CNP: variants seen among roughly 807,000 people sequenced by gnomAD.
CNP encodes the protein 2',3'-cyclic-nucleotide 3'-phosphodiesterase.
A neutral mutation model predicts 37.9 loss-of-function variants in CNP; 8 were observed. That is an observed-to-expected ratio of 0.21 (90% confidence interval 0.12 to 0.38). The LOEUF (loss-of-function observed/expected upper bound fraction) is 0.38, where lower values mean the gene tolerates loss of function less well. CNP is among the 10% of genes least tolerant of loss of function. The pLI is 1.00. For synonymous variants in CNP, 237 were observed against 238.3 expected, an observed-to-expected ratio of 0.99 and a Z score of 0.05; for missense variants, 457 against 551.0, an observed-to-expected ratio of 0.83 and a Z score of 1.71.
rs1476113120 is a variant in CNP, at chr17:41,975,465, T to A, written c.*1541T>A. ...TTAACCAGGGCACCAAGCCCACAGG[T>A]GTCCCCAGCCCACTGGATCAGAAAG... On this transcript the variant is annotated 3_prime_UTR_variant, in exon 4 of 4. Coordinates refer to ENST00000393892, the MANE Select transcript of CNP (RefSeq NM_033133.5). 1 of 152,568 alleles carries A rather than the reference T, an allele frequency of 6.6e-6. No homozygotes were observed. The highest frequency in any genetic ancestry group is 1.5e-5 in the Non-Finnish European group (1 of 68,058). The allele number at this position is 152,568 out of a possible 1,614,324, so 9.5% of individuals were successfully genotyped here.
rs549461322 is a variant in CNP at position 41,977,411 on chromosome 17, C to A, written c.*3487C>A. The A allele has an allele frequency of 7.3e-6, 9 of 1,236,634 alleles. No homozygotes were observed. The South Asian group carries it at 1.2e-4, about 17-fold the overall frequency. 76.6% of individuals were successfully genotyped at this position (1,236,634 alleles called of 1,614,324 possible). ...AGAACTGATGACACTGAGAACAGAT[C>A]TCCAAAGCTTTCCTGGAGAGTCTCA... On this transcript the variant is annotated 3_prime_UTR_variant, in exon 4 of 4. Transcript: ENST00000393892.
At position 41,969,160 on chromosome 17, in the gene CNP, AAAT is replaced by A. The variant is rs554137800; in HGVS notation, c.676+433_676+435del. Among the ~76,000 whole-genome samples, 11 of 152,310 alleles carry A rather than the reference AAAT, an allele frequency of 7.2e-5. No homozygotes were observed. The South Asian group carries it at 1.0e-3, about 14-fold the overall frequency. ...TTTAGCAGCAGAATCATGTTCCAAA[AAAT>A]AATAATAATAATCACATGAAATTGT... On this transcript the variant is annotated intron_variant, in intron 2 of 3. Coordinates refer to ENST00000393892, the MANE Select transcript of CNP (RefSeq NM_033133.5).
Position 41,976,979 on chromosome 17 carries a change from T to C in CNP, c.*3055T>C. The C allele has an allele frequency of 1.5e-6, 1 of 650,954 alleles. No homozygotes were observed. The highest frequency in any genetic ancestry group is 2.7e-5 in the East Asian group (1 of 36,490). The allele number at this position is 650,954 out of a possible 1,614,324, so 40.3% of individuals were successfully genotyped here. A position where few individuals can be genotyped will look rare whatever the true frequency, so the allele number is the denominator to read the frequency against. ...GGTAGCTTCTGACCTCAGCATTATCTATATAGTACCTTTGCTCTTGCAGAG... is the reference window on the plus strand; with the variant it reads ...GGTAGCTTCTGACCTCAGCATTATCCATATAGTACCTTTGCTCTTGCAGAG... On this transcript the variant is annotated 3_prime_UTR_variant, in exon 4 of 4. Transcript: ENST00000393892.
chr17:41,977,301 G>A lies in CNP; in HGVS notation c.*3377G>A, dbSNP rs200149460. 9.3e-4 allele frequency: 1,467 copies of A among 1,584,276 alleles called. 14 individuals are homozygous for A. In the African/African-American group the frequency reaches 0.018, roughly 19 times the overall value. ...CGCCAGGACCGCCAAAGAATGCCTT[G>A]AAGATATTGTTTGGATCAAAATCTG... is the stretch of plus-strand genomic sequence containing the variant. On this transcript the variant is annotated 3_prime_UTR_variant, in exon 4 of 4. Coordinates refer to ENST00000393892, the MANE Select transcript of CNP (RefSeq NM_033133.5).
chr17:41,967,810 G>T, intron 1 of CNP: 1 of 1,308,102 alleles, frequency 7.6e-7, no homozygotes, highest in Non-Finnish European at 9.8e-7. Context: ...CTCCTGGCGC[G>T]CCCCGCATGC....
rs963529911 is a variant in CNP at position 41,975,056 on chromosome 17, G to A, written c.*1132G>A. On this transcript the variant is annotated 3_prime_UTR_variant, in exon 4 of 4. Coordinates refer to ENST00000393892, the MANE Select transcript of CNP (RefSeq NM_033133.5). The stretch of plus-strand genomic sequence containing the variant: ...CTCCACTGCCCTCTGTTCAGTAACA[G>A]GGCCTTGCTAATCGGGTTGTCACTC... 6.6e-6 allele frequency: 1 copy of A among 152,250 alleles called. No individual in the cohort carries two copies. The highest frequency in any genetic ancestry group is 1.5e-5 in the Non-Finnish European group (1 of 68,066). 9.4% of individuals were successfully genotyped at this position (152,250 alleles called of 1,614,324 possible).
intron 2 of CNP, chr17:41,970,926 T>C (rs1248455375): frequency 6.6e-6 from 1 of 152,206 alleles, no homozygotes; most frequent in African/African-American, 2.4e-5. Flanking sequence ...AGCCCCATAA[T>C]GTCACCCCAT....
chr17:41,971,856 T>C, intron 2 of CNP, 36 bp from the exon 3 acceptor site: 1 of 1,611,570 alleles, frequency 6.2e-7, no homozygotes, highest in Non-Finnish European at 8.5e-7. Flanking sequence ...ATGCCCCTGC[T>C]CCCCTGCCCT....
At position 41,974,829 on chromosome 17, in the gene CNP, G is replaced by A. The variant is rs1200214128; in HGVS notation, c.*905G>A. 3 of 152,406 alleles carry A rather than the reference G, an allele frequency of 2.0e-5. No individual in the cohort carries two copies. The highest frequency in any genetic ancestry group is 4.4e-5 in the Non-Finnish European group (3 of 68,202). The allele number at this position is 152,406 out of a possible 1,614,324, so 9.4% of individuals were successfully genotyped here. A position where few individuals can be genotyped will look rare whatever the true frequency, so the allele number is the denominator to read the frequency against. On this transcript the variant is annotated 3_prime_UTR_variant, in exon 4 of 4. Transcript: ENST00000393892. ...TCGGGGCCAGAGGCAGAACCCTGGT[G>A]AGGAAGCTCCAGTCCTGCTCTCTAC...
Position 41,971,935 on chromosome 17 carries a change from C to T in CNP, c.720C>T (p.Thr240=), listed in dbSNP as rs1555643877. 4 of 1,613,778 alleles carry T rather than the reference C, an allele frequency of 2.5e-6. No individual in the cohort carries two copies. In the African/African-American group the frequency reaches 5.3e-5, roughly 22 times the overall value. ...CCAGGGAGAAGATGGACTTGGTCAC[C>T]TACTTTGGAAAGAGACCCCCAGGCG... ...DEPREKMDLV[T]YFGKRPPGVL... is the part of the protein sequence containing the mutation. Residue 240 remains threonine (T), a synonymous_variant, in exon 3 of 4, where the codon ACC becomes ACT. Coordinates refer to ENST00000393892, the MANE Select transcript of CNP (RefSeq NM_033133.5).
Position 41,968,123 on chromosome 17 carries a change from A to C in CNP, c.59A>C (p.Lys20Thr), listed in dbSNP as rs199923805. 6.2e-7 allele frequency: 1 copy of C among 1,614,132 alleles called. No individual in the cohort carries two copies. Among genetic ancestry groups the C allele is most frequent in the East Asian group, 2.2e-5 (1 of 44,890 alleles). The change falls in exon 2 of 4, where the codon AAG becomes ACG. Residue 20 changes from lysine (K) to threonine (T), a missense_variant. Physicochemically the swap from Lys to Thr is moderately conservative, Grantham distance 78. This residue lies in a region of CNP where 166 missense variants were observed against 259.3 expected (regional missense o/e 0.64). Coordinates refer to ENST00000393892, the MANE Select transcript of CNP (RefSeq NM_033133.5). The surrounding 1 kb of genome is among the most constrained non-coding windows in gnomAD (Gnocchi z 4.8). The stretch of plus-strand genomic sequence containing the variant: ...TTCCTGCCCAAGATCTTCTTCCGCA[A>C]GATGTCATCCTCAGGGGCCAAGGAC... ...HTFLPKIFFRKMSSSGAKDKP... is the reference protein window; with the variant it reads ...HTFLPKIFFRTMSSSGAKDKP...
In CNP at chr17:41,974,483, T is replaced by C. The variant is rs1555644399; in HGVS notation, c.*559T>C. ...TGCTATTTCCCAAGCTGGAGTGCAG[T>C]GGTGCGATCATGGCTCACTGCAGCC... is the stretch of plus-strand genomic sequence containing the variant. On this transcript the variant is annotated 3_prime_UTR_variant, in exon 4 of 4. Transcript: ENST00000393892. 1 of 153,582 alleles carries C rather than the reference T, an allele frequency of 6.5e-6. No homozygotes were observed. Among genetic ancestry groups the C allele is most frequent in the East Asian group, 1.9e-4 (1 of 5,224 alleles). The allele number at this position is 153,582 out of a possible 1,614,324, so 9.5% of individuals were successfully genotyped here. A position where few individuals can be genotyped will look rare whatever the true frequency, so the allele number is the denominator to read the frequency against.
At position 41,968,589 on chromosome 17, in the gene CNP, G is replaced by A. The variant is rs2050937893; in HGVS notation, c.525G>A (p.Lys175=). ...NQWQLSADDL[K]KLKPGLEKDF... is the part of the protein sequence containing the mutation. ...GGCAGCTGTCGGCTGATGACCTGAA[G>A]AAGCTGAAGCCTGGGCTGGAGAAGG... Residue 175 remains lysine, a synonymous_variant, in exon 2 of 4, where the codon AAG becomes AAA. Coordinates refer to ENST00000393892, the MANE Select transcript of CNP (RefSeq NM_033133.5). The surrounding 1 kb of genome is among the most constrained non-coding windows in gnomAD (Gnocchi z 4.8). 1 of 1,614,028 alleles carries A rather than the reference G, an allele frequency of 6.2e-7. No individual in the cohort carries two copies. Among genetic ancestry groups the A allele is most frequent in the Non-Finnish European group, 8.5e-7 (1 of 1,180,048 alleles).
rs2143072380 is a variant in CNP, at chr17:41,977,129, T to C, written c.*3205T>C. On this transcript the variant is annotated 3_prime_UTR_variant, in exon 4 of 4. Transcript: ENST00000393892. ...TCATCCTTAGCAACAGCCGAGTGGA[T>C]AGATGCCCTGCTAGATGAGAATTCA... is the stretch of plus-strand genomic sequence containing the variant. The C allele has an allele frequency of 2.2e-6, 2 of 927,594 alleles. No individual in the cohort carries two copies. The highest frequency in any genetic ancestry group is 2.6e-5 in the East Asian group (1 of 37,840). 57.5% of individuals were successfully genotyped at this position (927,594 alleles called of 1,614,324 possible).
Position 41,973,881 on chromosome 17 carries a change from G to T in CNP, c.1223G>T (p.Gly408Val), listed in dbSNP as rs781883394. Reference protein sequence around the residue: ...YGKGKPVPTQGSRKGGALQSC... With the variant: ...YGKGKPVPTQVSRKGGALQSC... ...AAAGGCAAACCTGTGCCCACGCAAG[G>T]TAGCCGGAAGGGGGGCGCCTTGCAG... Residue 408 changes from glycine (G) to valine (V), a missense_variant, in exon 4 of 4, where the codon GGT becomes GTT. By Grantham distance (109) the Gly-to-Val change is moderately radical. Around this residue, in one of 2 missense-constraint regions of CNP, gnomAD observed 291 missense variants for 291.7 expected, o/e 1.00. Transcript: ENST00000393892. The T allele has an allele frequency of 6.4e-6, 10 of 1,570,154 alleles. No individual in the cohort carries two copies. Among genetic ancestry groups the T allele is most frequent in the Non-Finnish European group, 7.8e-6 (9 of 1,156,364 alleles).
chr17:41,967,864 C>G, intron 1 of CNP: 4 of 1,405,920 alleles, frequency 2.8e-6, no homozygotes, highest in Non-Finnish European at 3.7e-6. Context: ...ATGGGGAAAG[C>G]GCACGCTTAG....
At position 41,966,795 on chromosome 17, in the gene CNP, A is replaced by T. The variant is rs375391099; in HGVS notation, c.-90A>T. 5.2e-6 allele frequency: 7 copies of T among 1,336,070 alleles called. No homozygotes were observed. The highest frequency in any genetic ancestry group is 6.7e-6 in the Non-Finnish European group (7 of 1,042,334). The allele number at this position is 1,336,070 out of a possible 1,614,324, so 82.8% of individuals were successfully genotyped here. On this transcript the variant is annotated 5_prime_UTR_variant, in exon 1 of 4. Coordinates refer to ENST00000393892, the MANE Select transcript of CNP (RefSeq NM_033133.5). ...AAAGCGGCCGGGCTCGGGTCGTGCC[A>T]CCGCTGGACTCCCGTGTCCCTCCGC...
At chr17:41,969,920 G>C (rs1423981535) in intron 2 of CNP, among the ~76,000 whole-genome samples, 1 of 152,178 alleles carries the variant, frequency 6.6e-6, no homozygotes, top group Admixed American at 6.5e-5. Context: ...TTGACATTGT[G>C]TATATTGCAC....
In CNP at chr17:41,977,507, C is replaced by G; in HGVS notation, c.*3583C>G. On this transcript the variant is annotated 3_prime_UTR_variant, in exon 4 of 4. Coordinates refer to ENST00000393892, the MANE Select transcript of CNP (RefSeq NM_033133.5). ...CCCCATCCCGTGCAAAACATGCTAC[C>G]TGATCCCACTCCTAGGACATGTTCC... 1.9e-6 allele frequency: 1 copy of G among 539,134 alleles called. No homozygotes were observed. The highest frequency in any genetic ancestry group is 3.3e-6 in the Non-Finnish European group (1 of 300,522). The allele number at this position is 539,134 out of a possible 1,614,324, so 33.4% of individuals were successfully genotyped here. A position where few individuals can be genotyped will look rare whatever the true frequency, so the allele number is the denominator to read the frequency against.
Sources: allele counts gnomAD v4.1 joint callset (sites outside exome capture counted in the v4.1 genomes callset), GRCh38; gene constraint gnomAD v4.1.1; regional missense constraint gnomAD v4.1.1; non-coding constraint Gnocchi (gnomAD v3.1); transcripts MANE v1.5; gene names NCBI Gene and HGNC (gene_info 2026-07-23, HGNC 2026-07-21).